The following MAPKAPK5 variants were observed in gnomAD, a reference collection of about 807,000 sequenced individuals.
MAPKAPK5 encodes the protein MAPK activated protein kinase 5.
MAPKAPK5 carries 30 observed loss-of-function variants against 65.1 expected under a neutral mutation model. The ratio of observed to expected loss-of-function variants is 0.46; its 90% CI spans 0.34 to 0.63. The LOEUF (loss-of-function observed/expected upper bound fraction) is 0.63, where lower values mean the gene tolerates loss of function less well. Ranked by LOEUF, MAPKAPK5 falls within the 20% of genes least tolerant of loss-of-function variation. The probability of loss-of-function intolerance (pLI) is 0.01; values close to 1 mark genes in which losing one functional copy is unlikely to be tolerated. For missense variants in MAPKAPK5, 433 were observed against 581.4 expected, an observed-to-expected ratio of 0.74 and a Z score of 2.63; for synonymous variants, 179 against 204.6, an observed-to-expected ratio of 0.87 and a Z score of 1.07.
Position 111,899,818 on chromosome 12 carries a change from CTCT to C in MAPKAPK5, c.*6760_*6762del. ...AATCTTACAGCATTGAGCCCATGGA[CTCT>C]TCAAGACGGTTTGAACATGTGTTAT... On this transcript the variant is annotated 3_prime_UTR_variant, in exon 14 of 14. Coordinates refer to ENST00000550735, the MANE Select transcript of MAPKAPK5 (RefSeq NM_003668.4). 1 of 424,146 alleles carries C rather than the reference CTCT, an allele frequency of 2.4e-6. No homozygotes were observed. Among genetic ancestry groups the C allele is most frequent in the South Asian group, 1.6e-5 (1 of 61,600 alleles). The allele number at this position is 424,146 out of a possible 1,614,324, so 26.3% of individuals were successfully genotyped here.
chr12:111,868,157 T>G (rs2069671226), intron 4 of MAPKAPK5, among the ~76,000 whole-genome samples: 1 of 152,278 alleles, frequency 6.6e-6, no homozygotes, highest in African/African-American at 2.4e-5. Flanking sequence ...ATTCTTTTAG[T>G]TACCAAATGT....
intron 7 of MAPKAPK5, among the ~76,000 whole-genome samples, chr12:111,875,755 C>T (rs1194300185): frequency 1.3e-5 from 2 of 152,092 alleles, no homozygotes; most frequent in African/African-American, 2.4e-5. Context: ...TTAAAAACCT[C>T]GCTGAATTCT....
At chr12:111,866,435 G>A (rs1051978199) in intron 3 of MAPKAPK5, among the ~76,000 whole-genome samples, 1 of 152,134 alleles carries the variant, frequency 6.6e-6, no homozygotes, top group Non-Finnish European at 1.5e-5. Context: ...TTTCCTTTCA[G>A]CCACCTCTTG....
intron 1 of MAPKAPK5, among the ~76,000 whole-genome samples, chr12:111,844,793 A>T (rs1450784893): frequency 6.6e-6 from 1 of 152,228 alleles, no homozygotes; most frequent in Non-Finnish European, 1.5e-5. Flanking sequence ...TGCGAGAGCA[A>T]GCCACCACTG....
intron 1 of MAPKAPK5, among the ~76,000 whole-genome samples, chr12:111,850,883 A>G (rs968142061): frequency 2.0e-5 from 3 of 151,688 alleles, no homozygotes; most frequent in Non-Finnish European, 4.4e-5. Flanking sequence ...AAGCCTGGAT[A>G]ATGAGAACCC....
At position 111,894,764 on chromosome 12, in the gene MAPKAPK5, A is replaced by ATGTG. The variant is rs1555276305; in HGVS notation, c.*1704_*1705insGTGT. The stretch of plus-strand genomic sequence containing the variant: ...TTCCATAACAAACCAATTTTCGTGT[A>ATGTG]TATGTGTGTGTGTGTGTGTGTGTGT... On this transcript the variant is annotated 3_prime_UTR_variant, in exon 14 of 14. Transcript: ENST00000550735. The ATGTG allele has an allele frequency of 2.7e-5, 3 of 109,530 alleles. No homozygotes were observed. Among genetic ancestry groups the ATGTG allele is most frequent in the African/African-American group, 1.5e-4 (3 of 20,332 alleles). 6.8% of individuals were successfully genotyped at this position (109,530 alleles called of 1,614,324 possible).
chr12:111,862,616 G>A (rs2069477892), intron 1 of MAPKAPK5, among the ~76,000 whole-genome samples: 1 of 152,086 alleles, frequency 6.6e-6, no homozygotes, highest in African/African-American at 2.4e-5. Context: ...CAGGAGAATC[G>A]CTTGAACTCG....
chr12:111,876,750 C>T (rs2069987644), intron 7 of MAPKAPK5, among the ~76,000 whole-genome samples: 2 of 151,906 alleles, frequency 1.3e-5, no homozygotes, highest in South Asian at 4.1e-4. Context: ...CCTTTTCTTT[C>T]ATCCTTTTTT....
At position 111,894,791 on chromosome 12, in the gene MAPKAPK5, T is replaced by TGTGTGTGAGA. The variant is rs58268114; in HGVS notation, c.*1731_*1732insTGTGTGAGAG. Reference sequence around the variant, plus strand: ...ATGTGTGTGTGTGTGTGTGTGTGTGTGAAGCAGTTTTTGGTGGGTACTTAC... The same window carrying TGTGTGTGAGA: ...ATGTGTGTGTGTGTGTGTGTGTGTGTGTGTGTGAGAGAAGCAGTTTTTGGTGGGTACTTAC... On this transcript the variant is annotated 3_prime_UTR_variant, in exon 14 of 14. Transcript: ENST00000550735. 4 of 151,444 alleles carry TGTGTGTGAGA rather than the reference T, an allele frequency of 2.6e-5. No individual in the cohort carries two copies. The highest frequency in any genetic ancestry group is 9.7e-5 in the African/African-American group (4 of 41,030). 9.4% of individuals were successfully genotyped at this position (151,444 alleles called of 1,614,324 possible).
At position 111,848,299 on chromosome 12, in the gene MAPKAPK5, A is replaced by G. The variant is rs186349926; in HGVS notation, c.36+5530A>G. Among the ~76,000 whole-genome samples, 121 of 151,928 alleles carry G rather than the reference A, an allele frequency of 8.0e-4. 1 individual carries two copies. Among genetic ancestry groups the G allele is most frequent in the African/African-American group, 2.8e-3 (118 of 41,448 alleles). On this transcript the variant is annotated intron_variant, in intron 1 of 13. Coordinates refer to ENST00000550735, the MANE Select transcript of MAPKAPK5 (RefSeq NM_003668.4). ...CTTCTGGTGGGTGTGTAGTGGTATT[A>G]TGCTTTTAATTTGCATTTCCCTAAC...
chr12:111,858,732 G>T (rs931187555), intron 1 of MAPKAPK5, among the ~76,000 whole-genome samples: 7 of 146,006 alleles, frequency 4.8e-5, no homozygotes, highest in Non-Finnish European at 1.1e-4. Context: ...TAGTAGAGAC[G>T]GGGTTTCACT....
At chr12:111,875,690 G>T (rs2069939677) in intron 7 of MAPKAPK5, among the ~76,000 whole-genome samples, 1 of 152,062 alleles carries the variant, frequency 6.6e-6, no homozygotes, top group East Asian at 1.9e-4. Flanking sequence ...TGTTTGTATG[G>T]CTCCTAGAGG....
At chr12:111,880,903 A>T (rs919279002) in intron 8 of MAPKAPK5, among the ~76,000 whole-genome samples, 2 of 152,072 alleles carry the variant, frequency 1.3e-5, no homozygotes, top group African/African-American at 4.8e-5. Context: ...TGTGTTTTTG[A>T]GGTGGAGGCC....
chr12:111,874,656 T>C lies in MAPKAPK5; in HGVS notation c.579+3476T>C, dbSNP rs1489688896. Reference sequence around the variant, plus strand: ...TTTTATATTTTTAGTAGAGACAGGGTTTCACCATGTTGGCCAGGCTGGTCT... The same window carrying C: ...TTTTATATTTTTAGTAGAGACAGGGCTTCACCATGTTGGCCAGGCTGGTCT... On this transcript the variant is annotated intron_variant, in intron 7 of 13. Coordinates refer to ENST00000550735, the MANE Select transcript of MAPKAPK5 (RefSeq NM_003668.4). Among the ~76,000 whole-genome samples the C allele has an allele frequency of 2.0e-5, 3 of 149,036 alleles. No homozygotes were observed. The South Asian group carries it at 6.4e-4, about 32-fold the overall frequency.
rs1047761536 is a variant in MAPKAPK5, at chr12:111,849,600, C to T, written c.36+6831C>T. ...AAACTGAATAAAAGTCATTTATCAG[C>T]TATGTGATTGGCAAATATTTTCTCC... On this transcript the variant is annotated intron_variant, in intron 1 of 13. Coordinates refer to ENST00000550735, the MANE Select transcript of MAPKAPK5 (RefSeq NM_003668.4). Among the ~76,000 whole-genome samples the T allele has an allele frequency of 2.0e-5, 3 of 152,314 alleles. No homozygotes were observed. In the East Asian group the frequency reaches 5.8e-4, roughly 29 times the overall value.
chr12:111,870,004 AG>A (rs781102154), intron 5 of MAPKAPK5, among the ~76,000 whole-genome samples: 32 of 152,200 alleles, frequency 2.1e-4, no homozygotes, highest in Non-Finnish European at 3.7e-4. Flanking sequence ...CATTTCTTAC[AG>A]GATTTACCCA....
chr12:111,881,958 T>C (rs2070246127), intron 8 of MAPKAPK5, among the ~76,000 whole-genome samples: 1 of 152,220 alleles, frequency 6.6e-6, no homozygotes, highest in African/African-American at 2.4e-5. Flanking sequence ...TGACATGATC[T>C]CTGCAGTATT....
chr12:111,880,414 T>G, intron 7 of MAPKAPK5, 33 bp from the exon 8 acceptor site: 1 of 1,576,084 alleles, frequency 6.3e-7, no homozygotes, highest in Non-Finnish European at 8.7e-7. Flanking sequence ...GTGATTTTCA[T>G]TAAATGGTCC....
intron 2 of MAPKAPK5, 71 bp downstream of exon 2, chr12:111,865,394 T>C: frequency 9.5e-7 from 1 of 1,050,960 alleles, no homozygotes; most frequent in Non-Finnish European, 1.4e-6. Flanking sequence ...CCATTTGAAA[T>C]ACATCTTGAA....
Sources: allele counts gnomAD v4.1 joint callset (sites outside exome capture counted in the v4.1 genomes callset), GRCh38; gene constraint gnomAD v4.1.1; transcripts MANE v1.5; gene names NCBI Gene and HGNC (gene_info 2026-07-23, HGNC 2026-07-21).